KIF1B: variants seen among roughly 807,000 people sequenced by gnomAD.
The protein encoded by KIF1B is kinesin-like protein KIF1B.
A neutral mutation model predicts 241.9 loss-of-function variants in KIF1B; 76 were observed. The observed-to-expected ratio is 0.31, with a 90% CI of 0.26 to 0.38. The LOEUF is 0.38. KIF1B is among the 10% of genes least tolerant of loss of function. The probability of loss-of-function intolerance (pLI) is 1.00; values close to 1 mark genes in which losing one functional copy is unlikely to be tolerated. For missense variants in KIF1B, 1,622 were observed against 2,271.4 expected (o/e 0.71, Z 5.81); for synonymous variants, 750 against 796.7 (o/e 0.94, Z 0.99).
At chr1:10,221,233 G>C (rs1395545578) in intron 1 of KIF1B, among the ~76,000 whole-genome samples, 1 of 151,530 alleles carries the variant, frequency 6.6e-6, no homozygotes, top group African/African-American at 2.4e-5. Context: ...GAGTAGCTGG[G>C]ATTACAGGCA....
Position 10,297,224 on chromosome 1 carries a change from T to A in KIF1B, c.2093T>A (p.Leu698His). The A allele has an allele frequency of 6.2e-7, 1 of 1,613,548 alleles. No homozygotes were observed. ...AAAAAGGAGAAGGAAGAAGCAGATC[T>A]TCTTTTGGAGCAGCAGAGACTGGTA... is the stretch of plus-strand genomic sequence containing the variant. ...LYKKEKEEAD[L>H]LLEQQRLDYE... is the part of the protein sequence containing the mutation. Residue 698 changes from leucine (L) to histidine (H), a missense_variant, in exon 22 of 49, where the codon CTT becomes CAT. Leu to His is a moderately conservative substitution (Grantham distance 99). Around this residue, in one of 7 missense-constraint regions of KIF1B, gnomAD observed 803 missense variants for 1,112.0 expected, o/e 0.72. Transcript: ENST00000676179.
chr1:10,277,525 T>TG (rs1202517086), intron 12 of KIF1B, among the ~76,000 whole-genome samples: 2 of 152,034 alleles, frequency 1.3e-5, no homozygotes, highest in Admixed American at 1.3e-4. Flanking sequence ...CTTGTAGAGA[T>TG]GGGGGGTCTT....
chr1:10,250,866 C>T (rs115995079), intron 2 of KIF1B, among the ~76,000 whole-genome samples: 2,851 of 151,700 alleles, frequency 0.019, 42 homozygotes, highest in Non-Finnish European at 0.028. Flanking sequence ...AGCAGTTATT[C>T]TAAAAGCAGC....
In KIF1B at chr1:10,375,302, G is replaced by C; in HGVS notation, c.5337G>C (p.Leu1779Phe). Residue 1779 changes from leucine (L) to phenylalanine (F), a missense_variant, in exon 48 of 49, where the codon TTG (leucine) becomes TTC (phenylalanine). Physicochemically the swap from Leu to Phe is conservative, Grantham distance 22 (BLOSUM62 0). Transcript: ENST00000676179. The stretch of plus-strand genomic sequence containing the variant: ...GCACAAAGCACCGTGGGGTCCTTTT[G>C]CAGGCCCTCAATGACAAAGACATGA... ...AVCTKHRGVL[L>F]QALNDKDMND... 1 of 1,614,180 alleles carries C rather than the reference G, an allele frequency of 6.2e-7. No individual in the cohort carries two copies. Among genetic ancestry groups the C allele is most frequent in the South Asian group, 1.1e-5 (1 of 91,080 alleles).
intron 15 of KIF1B, among the ~76,000 whole-genome samples, chr1:10,287,362 A>G (rs973487749): frequency 1.3e-5 from 2 of 152,036 alleles, no homozygotes; most frequent in African/African-American, 4.8e-5. Context: ...GTGCCCGGCT[A>G]ATTTTCGTAT....
rs369255811 is a variant in KIF1B at position 10,343,243 on chromosome 1, C to T, written c.3644C>T (p.Pro1215Leu). 1.3e-5 allele frequency: 21 copies of T among 1,614,052 alleles called. No individual in the cohort carries two copies. The highest frequency in any genetic ancestry group is 5.0e-5 in the Admixed American group (3 of 59,996). The change falls in exon 34 of 49, where the codon CCG becomes CTG. Residue 1215 changes from proline (P) to leucine (L), a missense_variant. Physicochemically the swap from Pro to Leu is moderately conservative, Grantham distance 98. Coordinates refer to ENST00000676179, the MANE Select transcript of KIF1B (RefSeq NM_001365951.3). ...TCCTTTCTTTGCAGTCCGCCTCAGC[C>T]GTGCCGCCGATTCTTCCCTCCACCC... ...QGQELNSPPQPCRRFFPPPMP... is the reference protein window; with the variant it reads ...QGQELNSPPQLCRRFFPPPMP...
At chr1:10,279,689 C>CTTTTT (rs34983973) in intron 14 of KIF1B, among the ~76,000 whole-genome samples, 1 of 67,624 alleles carries the variant, frequency 1.5e-5, no homozygotes, top group Non-Finnish European at 2.6e-5. Flanking sequence ...ACGTTTTTTC[C>CTTTTT]TTTTTTTTTT....
In KIF1B at chr1:10,310,015, T is replaced by C. The variant is rs72865984; in HGVS notation, c.2116-10028T>C. 3.4e-3 allele frequency among the ~76,000 whole-genome samples: 512 copies of C among 151,644 alleles called. 23 individuals are homozygous for C. Among genetic ancestry groups the C allele is most frequent in the African/African-American group, 0.012 (497 of 40,938 alleles). ...CTTCCAGACTTGAGCTCCTCAGCTC[T>C]TTCTGCCCAGCCCACCACAAGTTGA... On this transcript the variant is annotated intron_variant, in intron 22 of 48. Transcript: ENST00000676179.
chr1:10,240,357 TG>T (rs1647118943), intron 2 of KIF1B, among the ~76,000 whole-genome samples: 1 of 151,926 alleles, frequency 6.6e-6, no homozygotes, highest in South Asian at 2.1e-4. Context: ...TACAGGTGGG[TG>T]CCACCATACC....
At chr1:10,315,551 T>C (rs888903429) in intron 22 of KIF1B, among the ~76,000 whole-genome samples, 3 of 151,602 alleles carry the variant, frequency 2.0e-5, no homozygotes, top group Non-Finnish European at 2.9e-5. Flanking sequence ...TATTATATCA[T>C]GTACAGTCCA....
At position 10,308,673 on chromosome 1, in the gene KIF1B, T is replaced by A. The variant is rs1031608121; in HGVS notation, c.2116-11370T>A. The A allele has an allele frequency of 1.0e-5, 10 of 966,308 alleles. No individual in the cohort carries two copies. The Admixed American group carries it at 2.4e-4, about 23-fold the overall frequency. 59.9% of individuals were successfully genotyped at this position (966,308 alleles called of 1,614,324 possible). A position where few individuals can be genotyped will look rare whatever the true frequency, so the allele number is the denominator to read the frequency against. On this transcript the variant is annotated intron_variant, in intron 22 of 48. Transcript: ENST00000676179. ...GCTAACTAAACCTGGTTTTGACTTT[T>A]ATTTATTGCTTTTTCATCTGAAGAT...
chr1:10,311,402 G>A lies in KIF1B; in HGVS notation c.2116-8641G>A, dbSNP rs867587823. Among the ~76,000 whole-genome samples, 28 of 150,892 alleles carry A rather than the reference G, an allele frequency of 1.9e-4. 1 individual carries two copies. Among genetic ancestry groups the A allele is most frequent in the African/African-American group, 6.4e-4 (26 of 40,470 alleles). On this transcript the variant is annotated intron_variant, in intron 22 of 48. Coordinates refer to ENST00000676179, the MANE Select transcript of KIF1B (RefSeq NM_001365951.3). ...TTTTGTATTTTTAGTAGAGACGGAC[G>A]GGGTCTCACCATGTTGGCTAGGCTG...
intron 4 of KIF1B, among the ~76,000 whole-genome samples, chr1:10,261,699 A>T (rs1648155805): frequency 2.0e-5 from 3 of 152,216 alleles, no homozygotes; most frequent in South Asian, 2.1e-4. Flanking sequence ...TCACTATCAT[A>T]TATGCAGTCC....
chr1:10,292,880 A>T (rs1403272627), intron 17 of KIF1B, among the ~76,000 whole-genome samples: 2 of 152,228 alleles, frequency 1.3e-5, no homozygotes, highest in Non-Finnish European at 2.9e-5. Context: ...ATTTTATGCC[A>T]CTAGTAAATT....
chr1:10,271,572 G>A lies in KIF1B; in HGVS notation c.791G>A (p.Arg264Gln), dbSNP rs376807805. The stretch of plus-strand genomic sequence containing the variant: ...GATTCAACTGGTGCCAAAGGGACTC[G>A]ATTAAAGGTATTTATTTTAGCAAAT... ...RADSTGAKGTRLKEGANINKS... is the reference protein window; with the variant it reads ...RADSTGAKGTQLKEGANINKS... Residue 264 changes from arginine (R) to glutamine (Q), a missense_variant, in exon 8 of 49, where the codon CGA becomes CAA. By Grantham distance (43) the Arg-to-Gln change is conservative (BLOSUM62 1). Transcript: ENST00000676179. The A allele has an allele frequency of 3.1e-6, 5 of 1,610,920 alleles. No homozygotes were observed. The highest frequency in any genetic ancestry group is 1.7e-5 in the Admixed American group (1 of 59,976).
intron 1 of KIF1B, among the ~76,000 whole-genome samples, chr1:10,215,258 C>A (rs1646753709): frequency 7.0e-6 from 1 of 143,228 alleles, no homozygotes; most frequent in South Asian, 2.2e-4. Context: ...CTCACCGTAA[C>A]CTCCACCTCC....
Position 10,374,548 on chromosome 1 carries a change from GTCTGTACTGTAGTCTGATGCAA to G in KIF1B, c.5096+106_5096+127del, listed in dbSNP as rs1470576403. On this transcript the variant is annotated intron_variant, in intron 46 of 48. Coordinates refer to ENST00000676179, the MANE Select transcript of KIF1B (RefSeq NM_001365951.3). This position sits in a 1 kb window ranked among gnomAD's most constrained non-coding sequence, Gnocchi z 4.3. ...TGACTGGCCAGCTCTTCCCTGTGAG[GTCTGTACTGTAGTCTGATGCAA>G]TCTGTACTGTAGTCTGATGCAAGTT... 3.4e-6 allele frequency: 5 copies of G among 1,455,446 alleles called. No individual in the cohort carries two copies. The highest frequency in any genetic ancestry group is 2.8e-5 in the African/African-American group (2 of 71,828). 90.2% of individuals were successfully genotyped at this position (1,455,446 alleles called of 1,614,324 possible). A position where few individuals can be genotyped will look rare whatever the true frequency, so the allele number is the denominator to read the frequency against.
In KIF1B at chr1:10,317,058, G is replaced by A. The variant is rs556355701; in HGVS notation, c.2116-2985G>A. Among the ~76,000 whole-genome samples, 109 of 151,560 alleles carry A rather than the reference G, an allele frequency of 7.2e-4. 11 individuals are homozygous for A. Among genetic ancestry groups the A allele is most frequent in the African/African-American group, 2.4e-3 (99 of 40,888 alleles). On this transcript the variant is annotated intron_variant, in intron 22 of 48. Transcript: ENST00000676179. ...ATGGTGGCTCACACCTGTAATCCCAGCACTTTGGGAGATAATTTAACTTTC... is the reference window on the plus strand; with the variant it reads ...ATGGTGGCTCACACCTGTAATCCCAACACTTTGGGAGATAATTTAACTTTC...
At chr1:10,348,500 T>G in intron 36 of KIF1B, 149 bp from the exon 37 acceptor site, 1 of 704,038 alleles carries the variant, frequency 1.4e-6, no homozygotes, top group Non-Finnish European at 2.6e-6. Flanking sequence ...TCCCTTTGTT[T>G]TGAATAACAA....
Sources: gnomAD v4.1 joint callset for allele counts (sites outside exome capture counted in the v4.1 genomes callset) on GRCh38, gnomAD v4.1.1 for gene constraint, gnomAD v4.1.1 regional missense constraint, Gnocchi (gnomAD v3.1) non-coding constraint, MANE v1.5 for transcripts, NCBI Gene and HGNC (gene_info 2026-07-23, HGNC 2026-07-21) for gene names.